The following CKMT2 variants were observed in gnomAD, a reference collection of about 807,000 sequenced individuals.
CKMT2 encodes creatine kinase, mitochondrial 2.
A neutral mutation model predicts 48.9 loss-of-function variants in CKMT2; 43 were observed. The observed-to-expected ratio is 0.88, with a 90% CI of 0.69 to 1.13. CKMT2 has a LOEUF of 1.13. Ranked by LOEUF, CKMT2 falls within the 50% of genes most tolerant of loss-of-function variation. CKMT2 has a pLI of 0.00. For missense variants in CKMT2, 472 were observed against 555.4 expected, an observed-to-expected ratio of 0.85 and a Z score of 1.51; for synonymous variants, 206 against 213.0, an observed-to-expected ratio of 0.97 and a Z score of 0.29.
At position 81,244,532 on chromosome 5, in the gene CKMT2, G is replaced by A. The variant is rs115502115; in HGVS notation, c.-20-6581G>A. Among the ~76,000 whole-genome samples the A allele has an allele frequency of 2.5e-3, 378 of 152,292 alleles. 2 individuals are homozygous for A. Among genetic ancestry groups the A allele is most frequent in the Non-Finnish European group, 3.3e-3 (225 of 68,018 alleles). The stretch of plus-strand genomic sequence containing the variant: ...TACATATGCTACAGTTACACGAAAT[G>A]AGGCAACTCTCTTTTAGGCTCTGCC... On this transcript the variant is annotated intron_variant, in intron 1 of 9. Coordinates refer to ENST00000254035, the MANE Select transcript of CKMT2 (RefSeq NM_001099735.2).
intron 1 of CKMT2, among the ~76,000 whole-genome samples, chr5:81,234,439 TCTCTCTGTC>T (rs2112773560): frequency 6.6e-6 from 1 of 152,222 alleles, no homozygotes; most frequent in Non-Finnish European, 1.5e-5. Context: ...CTTGGTCTGT[TCTCTCTGTC>T]CTCTCATAGA....
chr5:81,256,918 C>T lies in CKMT2; in HGVS notation c.673C>T (p.His225Tyr), dbSNP rs1225068135. The T allele has an allele frequency of 1.9e-6, 3 of 1,612,974 alleles. No individual in the cohort carries two copies. Among genetic ancestry groups the T allele is most frequent in the Non-Finnish European group, 2.5e-6 (3 of 1,179,204 alleles). ...CTTTATCCCTTTTGGCCTACAGGAC[C>T]ACTTTCTGTTTGATAAGCCAGTGTC... ...EQDQQRLIDD[H>Y]FLFDKPVSPL... The change falls in exon 6 of 10, where the codon CAC (histidine) becomes TAC (tyrosine). Residue 225 changes from histidine (H) to tyrosine (Y), a missense_variant. By Grantham distance (83) the His-to-Tyr change is moderately conservative. Transcript: ENST00000254035.
intron 1 of CKMT2, among the ~76,000 whole-genome samples, chr5:81,247,598 T>C (rs1756654929): frequency 6.6e-6 from 1 of 152,238 alleles, no homozygotes; most frequent in Admixed American, 6.5e-5. Flanking sequence ...TGAGGAAAAG[T>C]GATTTCATTG....
At chr5:81,256,612 CCA>C (rs1223791375) in intron 5 of CKMT2, among the ~76,000 whole-genome samples, 4 of 152,174 alleles carry the variant, frequency 2.6e-5, no homozygotes, top group African/African-American at 9.7e-5. Context: ...TATACCCGCT[CCA>C]CAGTGATTTC....
intron 8 of CKMT2, among the ~76,000 whole-genome samples, chr5:81,259,943 C>G (rs1757153913): frequency 6.6e-6 from 1 of 152,174 alleles, no homozygotes; most frequent in South Asian, 2.1e-4. Flanking sequence ...TCACATCGCA[C>G]TTATTGTAAA....
At chr5:81,235,648 GA>G (rs1341541713) in intron 1 of CKMT2, 8 of 152,432 alleles carry the variant, frequency 5.2e-5, no homozygotes, top group Admixed American at 4.6e-4. Flanking sequence ...CACATTCTAG[GA>G]TGTCACAGAA....
chr5:81,260,396 A>G (rs1157024372), intron 8 of CKMT2, among the ~76,000 whole-genome samples: 2 of 152,190 alleles, frequency 1.3e-5, no homozygotes, highest in Non-Finnish European at 2.9e-5. Flanking sequence ...AGATAGAGAC[A>G]CAAAGACACA....
chr5:81,247,219 G>A (rs189343245), intron 1 of CKMT2, among the ~76,000 whole-genome samples: 6 of 152,300 alleles, frequency 3.9e-5, no homozygotes, highest in Admixed American at 1.3e-4. Context: ...AACTGAAAAC[G>A]TTAAAAAAGC....
Position 81,252,740 on chromosome 5 carries a change from G to A in CKMT2, c.198G>A (p.Glu66=). ...GCAAGCACAACAACTGCATGGCCGAGTGCCTCACCCCCGCCATTTATGCCA... is the reference window on the plus strand; with the variant it reads ...GCAAGCACAACAACTGCATGGCCGAATGCCTCACCCCCGCCATTTATGCCA... ...DLRKHNNCMA[E]CLTPAIYAKL... is the part of the protein sequence containing the mutation. Residue 66 remains glutamate, a synonymous_variant, in exon 3 of 10, where the codon GAG becomes GAA. Transcript: ENST00000254035. 2 of 1,614,212 alleles carry A rather than the reference G, an allele frequency of 1.2e-6. No homozygotes were observed. The highest frequency in any genetic ancestry group is 8.5e-7 in the Non-Finnish European group (1 of 1,180,038).
Position 81,252,697 on chromosome 5 carries a change from C to T in CKMT2, c.155C>T (p.Ala52Val), listed in dbSNP as rs189308875. 6.2e-7 allele frequency: 1 copy of T among 1,614,164 alleles called. No individual in the cohort carries two copies. Residue 52 changes from alanine to valine, a missense_variant and splice_region_variant, in exon 3 of 10, where the codon GCA (alanine) becomes GTA (valine). By Grantham distance (64) the Ala-to-Val change is moderately conservative. Coordinates refer to ENST00000254035, the MANE Select transcript of CKMT2 (RefSeq NM_001099735.2). ...AGCCTGCCCTCCTCCCCACACAGCG[C>T]AGACTACCCAGACCTGCGCAAGCAC... ...REQPRLFPPSADYPDLRKHNN... is the reference protein window; with the variant it reads ...REQPRLFPPSVDYPDLRKHNN...
chr5:81,236,136 A>G (rs1756236647), intron 1 of CKMT2: 1 of 152,252 alleles, frequency 6.6e-6, no homozygotes, highest in South Asian at 2.1e-4. Context: ...AGGACAGGGA[A>G]AGAGAACAAG....
intron 1 of CKMT2, among the ~76,000 whole-genome samples, chr5:81,245,580 G>C (rs1386563406): frequency 6.6e-6 from 1 of 152,200 alleles, no homozygotes; most frequent in African/African-American, 2.4e-5. Flanking sequence ...AAGAGAATGT[G>C]GGGAAGTTCT....
chr5:81,253,876 G>T (rs975710626), intron 3 of CKMT2, among the ~76,000 whole-genome samples: 1 of 152,198 alleles, frequency 6.6e-6, no homozygotes, highest in African/African-American at 2.4e-5. Context: ...GGTCCGCATC[G>T]GGTGAGAGGT....
chr5:81,242,611 T>C, intron 1 of CKMT2: 2 of 320,152 alleles, frequency 6.2e-6, no homozygotes, highest in Non-Finnish European at 1.2e-5. Flanking sequence ...TTGCCCAGCA[T>C]GCCAAAAAAG....
chr5:81,256,884 T>C (rs1407721413), intron 5 of CKMT2, 31 bp from the exon 6 acceptor site: 5 of 1,528,290 alleles, frequency 3.3e-6, no homozygotes, highest in African/African-American at 2.7e-5. Context: ...CATCAGTCTC[T>C]CCTCTCTGCT....
At chr5:81,247,402 CAT>C (rs546361736) in intron 1 of CKMT2, among the ~76,000 whole-genome samples, 22 of 152,344 alleles carry the variant, frequency 1.4e-4, no homozygotes, top group South Asian at 6.2e-4. Context: ...ACTTATGCCA[CAT>C]GTTATCATGT....
chr5:81,257,920 G>T (rs1482839904), intron 7 of CKMT2, 64 bp downstream of exon 7: 2 of 1,494,242 alleles, frequency 1.3e-6, no homozygotes, highest in Non-Finnish European at 1.8e-6. Flanking sequence ...GTTTGTTCTT[G>T]AAAGAAGACA....
Position 81,263,579 on chromosome 5 carries a change from A to C in CKMT2, c.1103A>C (p.Tyr368Ser). 6.2e-7 allele frequency: 1 copy of C among 1,612,666 alleles called. No individual in the cohort carries two copies. ...GVDTAAVADV[Y>S]DISNIDRIGR... The stretch of plus-strand genomic sequence containing the variant: ...GACACTGCCGCGGTCGCAGATGTGT[A>C]CGACATTTCCAACATAGATAGAATT... The change falls in exon 9 of 10, where the codon TAC (tyrosine) becomes TCC (serine). Residue 368 changes from tyrosine to serine, a missense_variant. By Grantham distance (144) the Tyr-to-Ser change is moderately radical. Coordinates refer to ENST00000254035, the MANE Select transcript of CKMT2 (RefSeq NM_001099735.2).
intron 8 of CKMT2, among the ~76,000 whole-genome samples, chr5:81,262,488 GA>G (rs1417387374): frequency 6.6e-6 from 1 of 151,804 alleles, no homozygotes; most frequent in African/African-American, 2.4e-5. Flanking sequence ...AAATTTACAA[GA>G]AAAAAACAAC....
Sources: allele counts gnomAD v4.1 joint callset (sites outside exome capture counted in the v4.1 genomes callset), GRCh38; gene constraint gnomAD v4.1.1; transcripts MANE v1.5; gene names NCBI Gene and HGNC (gene_info 2026-07-23, HGNC 2026-07-21).